The following CA10 variants were observed in gnomAD, a reference collection of about 807,000 sequenced individuals.
CA10 encodes carbonic anhydrase 10 (inactive).
A neutral mutation model predicts 44.2 loss-of-function variants in CA10; 14 were observed. The observed-to-expected ratio is 0.32, with a 90% CI of 0.21 to 0.50. The LOEUF is 0.50. CA10 is among the 20% of genes least tolerant of loss of function. The pLI is 0.99. For synonymous variants in CA10, 159 were observed against 141.6 expected (o/e 1.12, Z -0.87); for missense variants, 350 against 409.7 (o/e 0.85, Z 1.26).
intron 2 of CA10, among the ~76,000 whole-genome samples, chr17:51,990,466 C>T (rs1385731770): frequency 6.6e-6 from 1 of 151,986 alleles, no homozygotes; most frequent in African/African-American, 2.4e-5. Flanking sequence ...CCTAACAGGT[C>T]TGAGTTTTAC....
intron 3 of CA10, among the ~76,000 whole-genome samples, chr17:51,778,693 C>G (rs1263006623): frequency 6.6e-6 from 1 of 152,088 alleles, no homozygotes; most frequent in South Asian, 2.1e-4. Flanking sequence ...TTTTCCCAGG[C>G]CTTGTGCGAG....
At position 52,001,165 on chromosome 17, in the gene CA10, T is replaced by C. The variant is rs557860831; in HGVS notation, c.137-70033A>G. 6.6e-5 allele frequency among the ~76,000 whole-genome samples: 10 copies of C among 152,118 alleles called. No homozygotes were observed. In the South Asian group the frequency reaches 2.1e-3, roughly 32 times the overall value. ...TGGGTCAAATCCAGCCTGAGGCCTG[T>C]TTCTGTGTGGCCTATGAGGTAAGAA... On this transcript the variant is annotated intron_variant, in intron 2 of 8. Coordinates refer to ENST00000451037, the MANE Select transcript of CA10 (RefSeq NM_020178.5).
intron 1 of CA10, among the ~76,000 whole-genome samples, chr17:52,085,104 T>A (rs1988083856): frequency 6.6e-6 from 1 of 152,230 alleles, no homozygotes; most frequent in African/African-American, 2.4e-5. Flanking sequence ...GACTTATCCA[T>A]CACTCATAGC....
intron 3 of CA10, among the ~76,000 whole-genome samples, chr17:51,790,202 T>C (rs1906460430): frequency 6.6e-6 from 1 of 152,182 alleles, no homozygotes; most frequent in Non-Finnish European, 1.5e-5. Flanking sequence ...CCTGGTTTAA[T>C]GTGCTGCTTT....
intron 2 of CA10, among the ~76,000 whole-genome samples, chr17:51,949,343 G>A (rs1276843970): frequency 6.6e-6 from 1 of 152,096 alleles, no homozygotes; most frequent in Non-Finnish European, 1.5e-5. Context: ...CAGCTGGGAA[G>A]AAGAATTAGT....
intron 1 of CA10, among the ~76,000 whole-genome samples, chr17:52,100,073 A>G (rs1471746564): frequency 6.6e-6 from 1 of 152,222 alleles, no homozygotes; most frequent in Non-Finnish European, 1.5e-5. Flanking sequence ...AACGGAGTGA[A>G]GAGAGTGGTA....
At chr17:51,936,644 G>GAGGAA (rs1982880620) in intron 2 of CA10, among the ~76,000 whole-genome samples, 7 of 115,188 alleles carry the variant, frequency 6.1e-5, no homozygotes, top group South Asian at 8.2e-4. Flanking sequence ...AGGAACAGAT[G>GAGGAA]GCTCAGTGCT....
intron 2 of CA10, among the ~76,000 whole-genome samples, chr17:52,007,950 C>T (rs983690384): frequency 6.6e-6 from 1 of 151,550 alleles, no homozygotes; most frequent in Admixed American, 6.6e-5. Context: ...AACTATCCAT[C>T]TCTTAATATT....
chr17:51,759,455 T>G (rs1905160827), intron 3 of CA10, among the ~76,000 whole-genome samples: 1 of 147,160 alleles, frequency 6.8e-6, no homozygotes, highest in East Asian at 2.0e-4. Context: ...TATAAAATAT[T>G]TAATATTTTA....
chr17:51,699,234 A>G (rs988864000), intron 4 of CA10, among the ~76,000 whole-genome samples: 25 of 151,984 alleles, frequency 1.6e-4, no homozygotes, highest in African/African-American at 6.0e-4. Flanking sequence ...GAGGCAGGAG[A>G]ATCGCTTGAA....
At chr17:51,961,188 A>AACTCACACAC (rs146330814) in intron 2 of CA10, among the ~76,000 whole-genome samples, 32 of 145,102 alleles carry the variant, frequency 2.2e-4, no homozygotes, top group African/African-American at 7.2e-4. Context: ...TGTACACACA[A>AACTCACACAC]ACACACACAC....
At chr17:51,968,665 T>C (rs1984168706) in intron 2 of CA10, among the ~76,000 whole-genome samples, 1 of 151,902 alleles carries the variant, frequency 6.6e-6, no homozygotes, top group African/African-American at 2.4e-5. Context: ...GTAGTGGTTA[T>C]GTGACTCAGA....
intron 3 of CA10, among the ~76,000 whole-genome samples, chr17:51,913,732 G>A (rs528579268): frequency 6.6e-6 from 1 of 152,246 alleles, no homozygotes; most frequent in Admixed American, 6.5e-5. Flanking sequence ...GGATGACCCT[G>A]GGAGGCTGGG....
chr17:51,999,507 C>A (rs1985349991), intron 2 of CA10, among the ~76,000 whole-genome samples: 1 of 152,100 alleles, frequency 6.6e-6, no homozygotes, highest in East Asian at 1.9e-4. Context: ...GTATGAGGCA[C>A]TGGTGTAGTG....
At chr17:51,834,527 CT>C (rs1908403925) in intron 3 of CA10, among the ~76,000 whole-genome samples, 1 of 152,220 alleles carries the variant, frequency 6.6e-6, no homozygotes, top group Non-Finnish European at 1.5e-5. Flanking sequence ...TCCACTTTCT[CT>C]TTAACTGCAG....
At chr17:51,887,620 C>T (rs893441235) in intron 3 of CA10, among the ~76,000 whole-genome samples, 8 of 151,986 alleles carry the variant, frequency 5.3e-5, no homozygotes, top group African/African-American at 1.4e-4. Context: ...CTGCACAATG[C>T]GAACAACATC....
At chr17:51,987,686 C>T (rs1200491808) in intron 2 of CA10, among the ~76,000 whole-genome samples, 1 of 151,896 alleles carries the variant, frequency 6.6e-6, no homozygotes, top group East Asian at 1.9e-4. Flanking sequence ...ACTACCAAAT[C>T]TGATATTTTG....
At chr17:51,967,133 C>T (rs1330640615) in intron 2 of CA10, among the ~76,000 whole-genome samples, 3 of 151,482 alleles carry the variant, frequency 2.0e-5, no homozygotes, top group Non-Finnish European at 4.4e-5. Context: ...AAATCAAAAC[C>T]ACAGAGATAC....
chr17:51,875,929 A>G (rs1980051022), intron 3 of CA10, among the ~76,000 whole-genome samples: 1 of 152,118 alleles, frequency 6.6e-6, no homozygotes, highest in Non-Finnish European at 1.5e-5. Flanking sequence ...TTTTGGAGTC[A>G]GTTTCCTTGA....
Sources: gnomAD v4.1 joint callset for allele counts (sites outside exome capture counted in the v4.1 genomes callset) on GRCh38, gnomAD v4.1.1 for gene constraint, MANE v1.5 for transcripts, NCBI Gene and HGNC (gene_info 2026-07-23, HGNC 2026-07-21) for gene names.